GLG1: variants seen among roughly 807,000 people sequenced by gnomAD.
The protein encoded by GLG1 is Golgi apparatus protein 1.
In GLG1, 38 loss-of-function variants were observed where a neutral mutation model predicts 160.5. That is an observed-to-expected ratio of 0.24 (90% CI 0.18 to 0.31). GLG1 has a LOEUF of 0.31. GLG1 is among the 10% of genes least tolerant of loss of function. The pLI is 1.00. For synonymous variants in GLG1, 644 were observed against 543.4 expected (o/e 1.19, Z -2.57); for missense variants, 1,373 against 1,505.2 (o/e 0.91, Z 1.45).
Position 74,462,498 on chromosome 16 carries a change from T to C in GLG1, c.2924A>G (p.Tyr975Cys), listed in dbSNP as rs918114893. 1 of 1,613,778 alleles carries C rather than the reference T, an allele frequency of 6.2e-7. No homozygotes were observed. Among genetic ancestry groups the C allele is most frequent in the Non-Finnish European group, 8.5e-7 (1 of 1,179,638 alleles). ...CCCAGGCCAGTTTACCTGGTCAGCA[T>C]ATCTCAGCTTCAGGCAAGAGATGAC... is the stretch of plus-strand genomic sequence containing the variant. ...GQVISCLKLRYADQRLSSDCE... is the reference protein window; with the variant it reads ...GQVISCLKLRCADQRLSSDCE... Residue 975 changes from tyrosine to cysteine, a missense_variant, in exon 21 of 26, where the codon TAT becomes TGT. Tyr to Cys is a radical substitution (Grantham distance 194). This residue lies in a region of GLG1 where 491 missense variants were observed against 632.1 expected (regional missense o/e 0.78). Coordinates refer to ENST00000422840, the MANE Select transcript of GLG1 (RefSeq NM_001145667.2).
rs919393121 is a variant in GLG1, at chr16:74,582,687, C to T, written c.438+23970G>A. Among the ~76,000 whole-genome samples the T allele has an allele frequency of 1.3e-5, 2 of 151,736 alleles. 1 individual carries two copies. The highest frequency in any genetic ancestry group is 4.2e-4 in the South Asian group (2 of 4,818). On this transcript the variant is annotated intron_variant, in intron 1 of 25. Transcript: ENST00000422840. ...TACAAAAATTAGCCGGGCGTGGTGG[C>T]GGGCGCCTATAGTCCCAGCTACTTG...
intron 2 of GLG1, among the ~76,000 whole-genome samples, chr16:74,510,867 A>T (rs2016782211): frequency 6.6e-6 from 1 of 152,106 alleles, no homozygotes; most frequent in South Asian, 2.1e-4. Flanking sequence ...ATAGGGGAGG[A>T]ATATTCCAAA....
At chr16:74,534,661 T>C (rs529448517) in intron 1 of GLG1, among the ~76,000 whole-genome samples, 48 of 152,138 alleles carry the variant, frequency 3.2e-4, no homozygotes, top group African/African-American at 1.1e-3. Context: ...GGATTATTTC[T>C]CCCAATTTTT....
intron 2 of GLG1, among the ~76,000 whole-genome samples, chr16:74,528,946 C>A (rs2143593591): frequency 6.7e-6 from 1 of 148,386 alleles, no homozygotes; most frequent in East Asian, 2.0e-4. Flanking sequence ...TCTTCGAATA[C>A]TGCTTCTATC....
At chr16:74,564,468 G>A (rs1385439569) in intron 1 of GLG1, among the ~76,000 whole-genome samples, 1 of 152,162 alleles carries the variant, frequency 6.6e-6, no homozygotes, top group Non-Finnish European at 1.5e-5. Flanking sequence ...TCTCTCAAAA[G>A]TTATAAATGT....
At chr16:74,570,892 C>T (rs2018805830) in intron 1 of GLG1, among the ~76,000 whole-genome samples, 1 of 152,066 alleles carries the variant, frequency 6.6e-6, no homozygotes, top group African/African-American at 2.4e-5. Flanking sequence ...TGTCCGCCTA[C>T]CACCCGCTGG....
intron 2 of GLG1, among the ~76,000 whole-genome samples, chr16:74,521,541 T>A (rs988905335): frequency 6.6e-6 from 1 of 152,022 alleles, no homozygotes; most frequent in Admixed American, 6.6e-5. Flanking sequence ...AGGTTTCTGA[T>A]TTGAGCAACC....
chr16:74,469,962 T>A (rs2303278), intron 16 of GLG1, 23 bp downstream of exon 16: 470,266 of 1,413,788 alleles, frequency 0.33, 81,120 homozygotes, highest in Middle Eastern at 0.35. Flanking sequence ...GAAAGTGGAA[T>A]GAAACAACTA....
At chr16:74,521,420 G>A (rs192732708) in intron 2 of GLG1, among the ~76,000 whole-genome samples, 6 of 152,284 alleles carry the variant, frequency 3.9e-5, no homozygotes, top group Admixed American at 3.3e-4. Context: ...ACATGATGAT[G>A]ACTTGTATCA....
rs2014350935 is a variant in GLG1, at chr16:74,452,442, G to A, written c.*725C>T. ...CTCCCCAGCTGCCCTTGTCTAGGAA[G>A]GCTCATGCTTTGCTTCAATGAAGCG... On this transcript the variant is annotated 3_prime_UTR_variant, in exon 26 of 26. Coordinates refer to ENST00000422840, the MANE Select transcript of GLG1 (RefSeq NM_001145667.2). The A allele has an allele frequency of 8.9e-7, 1 of 1,125,190 alleles. No individual in the cohort carries two copies. The highest frequency in any genetic ancestry group is 4.0e-5 in the Admixed American group (1 of 24,732). The allele number at this position is 1,125,190 out of a possible 1,614,324, so 69.7% of individuals were successfully genotyped here.
At chr16:74,571,161 C>T (rs539882703) in intron 1 of GLG1, among the ~76,000 whole-genome samples, 2 of 152,184 alleles carry the variant, frequency 1.3e-5, no homozygotes, top group East Asian at 3.9e-4. Context: ...GATGATGAGA[C>T]ATGGAGCCCA....
At chr16:74,516,880 G>A (rs761919142) in intron 2 of GLG1, among the ~76,000 whole-genome samples, 35 of 152,018 alleles carry the variant, frequency 2.3e-4, no homozygotes, top group Admixed American at 5.2e-4. Flanking sequence ...TATCACCACC[G>A]ATCCCACAGA....
At position 74,468,744 on chromosome 16, in the gene GLG1, T is replaced by C. The variant is rs62052081; in HGVS notation, c.2436+202A>G. The C allele has an allele frequency of 5.3e-6, 3 of 568,482 alleles. No individual in the cohort carries two copies. In the African/African-American group the frequency reaches 5.6e-5, roughly 11 times the overall value. 35.2% of individuals were successfully genotyped at this position (568,482 alleles called of 1,614,324 possible). A position where few individuals can be genotyped will look rare whatever the true frequency, so the allele number is the denominator to read the frequency against. ...TCTTACAGCTGGACTTCCAGTTACATGTGGGAAGAAAGGTTTTATCATTCA... is the reference window on the plus strand; with the variant it reads ...TCTTACAGCTGGACTTCCAGTTACACGTGGGAAGAAAGGTTTTATCATTCA... On this transcript the variant is annotated intron_variant, in intron 17 of 25. Coordinates refer to ENST00000422840, the MANE Select transcript of GLG1 (RefSeq NM_001145667.2).
Position 74,606,980 on chromosome 16 carries a change from C to G in GLG1, c.115G>C (p.Gly39Arg), listed in dbSNP as rs868213459. 3 of 1,607,916 alleles carry G rather than the reference C, an allele frequency of 1.9e-6. No homozygotes were observed. The highest frequency in any genetic ancestry group is 2.5e-6 in the Non-Finnish European group (3 of 1,178,744). Residue 39 changes from glycine (G) to arginine (R), a missense_variant, in exon 1 of 26, where the codon GGC becomes CGC. Gly to Arg is a moderately radical substitution (Grantham distance 125). Transcript: ENST00000422840. Reference sequence around the variant, plus strand: ...ACAAAGTTGGCCCCGGGACCCTGGCCCTGGCTGTGGACGCCCTGGCCGGGG... The same window carrying G: ...ACAAAGTTGGCCCCGGGACCCTGGCGCTGGCTGTGGACGCCCTGGCCGGGG... ...KLPGQGVHSQGQGPGANFVSF... is the reference protein window; with the variant it reads ...KLPGQGVHSQRQGPGANFVSF...
rs140241878 is a variant in GLG1, at chr16:74,585,381, C to G, written c.438+21276G>C. 9.1e-3 allele frequency among the ~76,000 whole-genome samples: 1,388 copies of G among 152,108 alleles called. 16 individuals carry two copies. Among genetic ancestry groups the G allele is most frequent in the Non-Finnish European group, 0.014 (942 of 68,012 alleles). ...CTGAGATTACAGCAGTGCACTGCAG[C>G]CTGGGCAACAGAGCGAGACTCTGTC... On this transcript the variant is annotated intron_variant, in intron 1 of 25. Transcript: ENST00000422840.
intron 1 of GLG1, among the ~76,000 whole-genome samples, chr16:74,536,335 T>A (rs2017686914): frequency 6.6e-6 from 1 of 152,194 alleles, no homozygotes; most frequent in Non-Finnish European, 1.5e-5. Flanking sequence ...TGAGGATTTT[T>A]TTTCTTCCTC....
chr16:74,538,268 A>G (rs577505822), intron 1 of GLG1, among the ~76,000 whole-genome samples: 44 of 150,874 alleles, frequency 2.9e-4, no homozygotes, highest in African/African-American at 1.0e-3. Flanking sequence ...CCTCCTTTCA[A>G]TTGGAGACAC....
chr16:74,498,468 T>TATATATA lies in GLG1; in HGVS notation c.775-1825_775-1824insTATATAT, dbSNP rs1491206560. ...AAAAAGTATATATATATATATATAT[T>TATATATA]ATATTTTATATATATATTTTATATA... is the stretch of plus-strand genomic sequence containing the variant. On this transcript the variant is annotated intron_variant, in intron 4 of 25. Transcript: ENST00000422840. 2.3e-3 allele frequency among the ~76,000 whole-genome samples: 67 copies of TATATATA among 29,680 alleles called. 10 individuals are homozygous for TATATATA. The highest frequency in any genetic ancestry group is 9.5e-3 in the South Asian group (6 of 634). 19.5% of individuals were successfully genotyped at this position (29,680 alleles called of 152,430 possible).
intron 1 of GLG1, among the ~76,000 whole-genome samples, chr16:74,581,461 T>C (rs889445172): frequency 3.4e-5 from 5 of 145,212 alleles, no homozygotes; most frequent in South Asian, 2.2e-4. Flanking sequence ...AGATAAAAAA[T>C]AGAATGGTGG....
Sources: gnomAD v4.1 joint callset for allele counts (sites outside exome capture counted in the v4.1 genomes callset) on GRCh38, gnomAD v4.1.1 for gene constraint, gnomAD v4.1.1 regional missense constraint, MANE v1.5 for transcripts, NCBI Gene and HGNC (gene_info 2026-07-23, HGNC 2026-07-21) for gene names.